The following ERBB4 variants were observed in gnomAD, a reference collection of about 807,000 sequenced individuals.
ERBB4 encodes the protein receptor tyrosine-protein kinase erbB-4.
ERBB4 carries 42 observed loss-of-function variants against 158.0 expected under a neutral mutation model. The ratio of observed to expected loss-of-function variants is 0.27; its 90% CI spans 0.21 to 0.34. ERBB4 has a LOEUF of 0.34. Ranked by LOEUF, ERBB4 falls within the 10% of genes least tolerant of loss-of-function variation. The pLI is 1.00. For synonymous variants in ERBB4, 583 were observed against 558.7 expected, an observed-to-expected ratio of 1.04 and a Z score of -0.61; for missense variants, 1,333 against 1,624.1, an observed-to-expected ratio of 0.82 and a Z score of 3.08.
At chr2:212,234,557 C>T (rs1261324083) in intron 1 of ERBB4, among the ~76,000 whole-genome samples, 1 of 152,036 alleles carries the variant, frequency 6.6e-6, no homozygotes. Context: ...GGAATTGCCA[C>T]ATTGACTTCC....
intron 1 of ERBB4, among the ~76,000 whole-genome samples, chr2:212,442,659 T>C (rs1160440663): frequency 6.6e-6 from 1 of 152,146 alleles, no homozygotes; most frequent in Non-Finnish European, 1.5e-5. Context: ...GCAGTCAATT[T>C]TCCCCAGTGC....
intron 14 of ERBB4, among the ~76,000 whole-genome samples, chr2:211,670,529 T>C (rs775941012): frequency 6.6e-6 from 1 of 152,154 alleles, no homozygotes; most frequent in Non-Finnish European, 1.5e-5. Context: ...AGTTATTCAC[T>C]AGCACAATTT....
intron 25 of ERBB4, among the ~76,000 whole-genome samples, chr2:211,418,911 A>G (rs80091472): frequency 0.013 from 2,010 of 152,270 alleles, 39 homozygotes; most frequent in African/African-American, 0.044. Context: ...GGCATGTGAT[A>G]AAGTTTTCAG....
chr2:212,053,278 A>AT (rs2125400709), intron 2 of ERBB4, among the ~76,000 whole-genome samples: 1 of 152,302 alleles, frequency 6.6e-6, no homozygotes, highest in South Asian at 2.1e-4. Flanking sequence ...AACAGTCTAC[A>AT]TAGTTTTCCA....
At chr2:212,258,840 C>T (rs562864843) in intron 1 of ERBB4, among the ~76,000 whole-genome samples, 2 of 151,958 alleles carry the variant, frequency 1.3e-5, no homozygotes, top group Admixed American at 1.3e-4. Context: ...ATACTAAAAG[C>T]TTTTGTATCT....
intron 25 of ERBB4, among the ~76,000 whole-genome samples, chr2:211,393,628 T>C (rs3791686): frequency 0.34 from 51,144 of 152,026 alleles, 8,781 homozygotes; most frequent in Non-Finnish European, 0.36. Flanking sequence ...ATCTTAAGTA[T>C]AAAATGCTGA....
intron 20 of ERBB4, among the ~76,000 whole-genome samples, chr2:211,472,951 T>C (rs1006178402): frequency 2.6e-5 from 4 of 151,628 alleles, no homozygotes; most frequent in African/African-American, 9.7e-5. Flanking sequence ...TTATTTTGAC[T>C]GTAGGATATA....
chr2:211,598,490 A>T (rs766529474), intron 19 of ERBB4, among the ~76,000 whole-genome samples: 1 of 152,164 alleles, frequency 6.6e-6, no homozygotes, highest in Non-Finnish European at 1.5e-5. Flanking sequence ...TAAAACTTAC[A>T]TCTGTTTGGA....
chr2:211,431,507 C>T (rs776795395), intron 20 of ERBB4, among the ~76,000 whole-genome samples: 1 of 152,168 alleles, frequency 6.6e-6, no homozygotes, highest in Non-Finnish European at 1.5e-5. Flanking sequence ...TCCCCCTACA[C>T]ATCCAAACAA....
chr2:211,774,047 C>G (rs936650590), intron 4 of ERBB4, among the ~76,000 whole-genome samples: 2 of 151,318 alleles, frequency 1.3e-5, no homozygotes, highest in African/African-American at 2.4e-5. Context: ...TTAGATTGTT[C>G]AGATGCTCTG....
chr2:211,554,613 TC>T (rs1269157870), intron 20 of ERBB4, among the ~76,000 whole-genome samples: 2 of 152,214 alleles, frequency 1.3e-5, no homozygotes, highest in East Asian at 3.9e-4. Context: ...GTCACACAGT[TC>T]ATATGCTTGC....
intron 7 of ERBB4, among the ~76,000 whole-genome samples, chr2:211,716,944 G>T (rs1353853520): frequency 6.6e-6 from 1 of 152,112 alleles, no homozygotes; most frequent in Non-Finnish European, 1.5e-5. Flanking sequence ...TCACACAATA[G>T]GTCTTCATGT....
chr2:212,306,642 C>T (rs1033424379), intron 1 of ERBB4, among the ~76,000 whole-genome samples: 4 of 151,328 alleles, frequency 2.6e-5, no homozygotes, highest in African/African-American at 7.3e-5. Context: ...AACTGCATAT[C>T]CTAACATGCC....
At chr2:211,449,756 G>C (rs1257890755) in intron 20 of ERBB4, among the ~76,000 whole-genome samples, 1 of 152,210 alleles carries the variant, frequency 6.6e-6, no homozygotes, top group Non-Finnish European at 1.5e-5. Flanking sequence ...GGATACAATA[G>C]TCTTTGCCTA....
At chr2:211,728,083 CAA>C (rs2074322211) in intron 5 of ERBB4, among the ~76,000 whole-genome samples, 1 of 151,522 alleles carries the variant, frequency 6.6e-6, no homozygotes, top group South Asian at 2.1e-4. Flanking sequence ...AGTCTTTGAC[CAA>C]ATCACACCTT....
At chr2:212,113,435 G>C (rs982306003) in intron 2 of ERBB4, among the ~76,000 whole-genome samples, 3 of 151,648 alleles carry the variant, frequency 2.0e-5, no homozygotes, top group African/African-American at 7.3e-5. Flanking sequence ...TTAGCTGGGT[G>C]TGGTGGTGGA....
intron 2 of ERBB4, among the ~76,000 whole-genome samples, chr2:212,047,259 T>A (rs988175045): frequency 2.0e-5 from 3 of 152,232 alleles, no homozygotes; most frequent in Non-Finnish European, 2.9e-5. Context: ...TGAATTTGAA[T>A]AATCTATGAG....
At chr2:212,021,695 T>C (rs748627051) in intron 2 of ERBB4, among the ~76,000 whole-genome samples, 3 of 151,938 alleles carry the variant, frequency 2.0e-5, no homozygotes, top group Admixed American at 6.6e-5. Context: ...CCAAAAGCAA[T>C]TGAGACAAAA....
chr2:211,541,608 A>G (rs780182604), intron 20 of ERBB4, among the ~76,000 whole-genome samples: 5 of 152,066 alleles, frequency 3.3e-5, no homozygotes, highest in Non-Finnish European at 7.4e-5. Flanking sequence ...TTATTTCTCC[A>G]TAATACAGGT....
Sources: allele counts gnomAD v4.1 joint callset (sites outside exome capture counted in the v4.1 genomes callset), GRCh38; gene constraint gnomAD v4.1.1; transcripts MANE v1.5; gene names NCBI Gene and HGNC (gene_info 2026-07-23, HGNC 2026-07-21).